Variants in PICALM observed in about 807,000 individuals in gnomAD.
PICALM encodes phosphatidylinositol binding clathrin assembly protein.
PICALM carries 40 observed loss-of-function variants against 80.5 expected under a neutral mutation model. The observed-to-expected ratio is 0.50, with a 90% CI of 0.39 to 0.65. PICALM has a LOEUF of 0.65. PICALM is among the 30% of genes least tolerant of loss of function. PICALM has a pLI of 0.00. For missense variants in PICALM, 676 were observed against 778.9 expected (o/e 0.87, Z 1.57); for synonymous variants, 288 against 260.3 (o/e 1.11, Z -1.02).
At chr11:86,024,406 G>T (rs2095616447) in intron 3 of PICALM, among the ~76,000 whole-genome samples, 1 of 144,116 alleles carries the variant, frequency 6.9e-6, no homozygotes. Flanking sequence ...CTCAAATACA[G>T]CCAGTCACAT....
intron 13 of PICALM, 118 bp downstream of exon 13, chr11:85,990,132 A>C: frequency 1.9e-6 from 1 of 513,086 alleles, no homozygotes; most frequent in South Asian, 5.4e-5. Flanking sequence ...TAGTTTTAGA[A>C]TTTGATATTA....
rs1261249720 is a variant in PICALM at position 86,068,766 on chromosome 11, G to A, written c.15C>T (p.Ser5=). The change falls in exon 1 of 20, where the codon AGC becomes AGT. Residue 5 remains serine (S), a synonymous_variant. Transcript: ENST00000393346. ...GGGCGGCAGTGATTCGGTCCGTCAG[G>A]CTCTGGCCGGACATCTCTGCAGCTC... MSGQ[S]LTDRITAAQH... is the part of the protein sequence containing the mutation. 2 of 1,609,620 alleles carry A rather than the reference G, an allele frequency of 1.2e-6. No homozygotes were observed. The highest frequency in any genetic ancestry group is 1.7e-6 in the Non-Finnish European group (2 of 1,179,272).
chr11:86,052,595 A>G (rs1333090159), intron 1 of PICALM, among the ~76,000 whole-genome samples: 1 of 152,328 alleles, frequency 6.6e-6, no homozygotes, highest in South Asian at 2.1e-4. Flanking sequence ...TAAAGTTAAT[A>G]CAAAAACTTG....
chr11:86,008,951 C>CAAAAAAAAAAAAAAAAAAAAAAAAA (rs1565392146), intron 7 of PICALM, among the ~76,000 whole-genome samples: 1 of 133,320 alleles, frequency 7.5e-6, no homozygotes, highest in African/African-American at 2.9e-5. Flanking sequence ...AAAAAAAAAG[C>CAAAAAAAAAAAAAAAAAAAAAAAAA]CAAAAAAAAA....
chr11:86,066,986 A>C (rs1335924310), intron 1 of PICALM, among the ~76,000 whole-genome samples: 3 of 152,250 alleles, frequency 2.0e-5, no homozygotes, highest in African/African-American at 7.2e-5. Context: ...CTCTAAGACA[A>C]GCAAGGACTG....
intron 19 of PICALM, among the ~76,000 whole-genome samples, chr11:85,959,984 A>C (rs527974807): frequency 6.6e-6 from 1 of 152,340 alleles, no homozygotes; most frequent in Non-Finnish European, 1.5e-5. Context: ...TCTCTCCATA[A>C]GCACAAATAC....
chr11:86,041,071 A>C (rs1487165188), intron 1 of PICALM, among the ~76,000 whole-genome samples: 1 of 152,202 alleles, frequency 6.6e-6, no homozygotes, highest in Non-Finnish European at 1.5e-5. Flanking sequence ...ATCATACAAT[A>C]GTTACAGCAC....
intron 1 of PICALM, among the ~76,000 whole-genome samples, chr11:86,056,541 G>A (rs544060970): frequency 6.6e-6 from 1 of 152,162 alleles, no homozygotes; most frequent in South Asian, 2.1e-4. Context: ...CAAGAAAGTA[G>A]AGGAGAAACA....
intron 1 of PICALM, among the ~76,000 whole-genome samples, chr11:86,035,759 A>G (rs1197763232): frequency 7.0e-6 from 1 of 141,870 alleles, no homozygotes; most frequent in African/African-American, 2.7e-5. Flanking sequence ...CCTGGCCAAC[A>G]TGGTGAAACT....
chr11:86,048,830 TCC>T (rs2096124449), intron 1 of PICALM, among the ~76,000 whole-genome samples: 1 of 81,900 alleles, frequency 1.2e-5, no homozygotes, highest in African/African-American at 5.8e-5. Flanking sequence ...AGAGTGAAAC[TCC>T]GTCTCAAAAA....
rs2096136475 is a variant in PICALM, at chr11:86,049,349, A to G, written c.131-17738T>C. On this transcript the variant is annotated intron_variant, in intron 1 of 19. Coordinates refer to ENST00000393346, the MANE Select transcript of PICALM (RefSeq NM_007166.4). ...GTTCCATACCAAAAGATCAAATGCA[A>G]CTATCCAGTTAACTTATTTTATCTT... Among the ~76,000 whole-genome samples the G allele has an allele frequency of 2.0e-5, 3 of 152,306 alleles. No homozygotes were observed. The South Asian group carries it at 6.2e-4, about 32-fold the overall frequency.
intron 8 of PICALM, chr11:86,003,768 T>G (rs1056859077): frequency 4.9e-5 from 9 of 182,610 alleles, no homozygotes; most frequent in Admixed American, 1.8e-4. Flanking sequence ...GACATACTAC[T>G]GAGCATGCAG....
At chr11:86,025,194 G>A (rs563516076) in intron 3 of PICALM, among the ~76,000 whole-genome samples, 77 of 152,280 alleles carry the variant, frequency 5.1e-4, no homozygotes, top group African/African-American at 1.8e-3. Context: ...GAGGTCAAGA[G>A]ATGCAGACCA....
intron 14 of PICALM, among the ~76,000 whole-genome samples, chr11:85,982,422 A>ATTTTTTTTTT (rs1446437172): frequency 1.0e-4 from 3 of 29,768 alleles, no homozygotes; most frequent in African/African-American, 8.1e-4. Context: ...GATTTTATAG[A>ATTTTTTTTTT]CTTTTTTTTT....
chr11:86,012,201 CT>C, intron 6 of PICALM, 79 bp downstream of exon 6: 1 of 705,748 alleles, frequency 1.4e-6, no homozygotes, highest in Non-Finnish European at 2.3e-6. Context: ...TTTTAGCCAG[CT>C]TTAAGTAACA....
chr11:86,060,470 A>G (rs995538480), intron 1 of PICALM, among the ~76,000 whole-genome samples: 2 of 152,222 alleles, frequency 1.3e-5, no homozygotes, highest in Non-Finnish European at 2.9e-5. Flanking sequence ...CATTCAACCT[A>G]TGGCAATATC....
chr11:85,982,027 T>C lies in PICALM; in HGVS notation c.1517-24A>G, dbSNP rs200744084. On this transcript the variant is annotated intron_variant, in intron 14 of 19. Coordinates refer to ENST00000393346, the MANE Select transcript of PICALM (RefSeq NM_007166.4). ...GCCTTAAAGTTACAAACAGACGAAA[T>C]AGAATTTGTAAGGAACTTTATGACG... The C allele has an allele frequency of 1.9e-4, 309 of 1,609,086 alleles. 1 individual carries two copies. In the South Asian group the frequency reaches 2.5e-3, roughly 13 times the overall value.
chr11:85,977,229 T>C (rs190867316), intron 17 of PICALM, among the ~76,000 whole-genome samples: 80 of 152,360 alleles, frequency 5.3e-4, no homozygotes, highest in South Asian at 8.3e-4. Flanking sequence ...TGACTATTTC[T>C]ATGAGCCATA....
intron 1 of PICALM, among the ~76,000 whole-genome samples, chr11:86,044,732 G>C (rs2096039364): frequency 6.6e-6 from 1 of 152,234 alleles, no homozygotes; most frequent in Admixed American, 6.5e-5. Flanking sequence ...ATTACTGCCT[G>C]AGCTCTGCCT....
Sources: allele counts gnomAD v4.1 joint callset (sites outside exome capture counted in the v4.1 genomes callset), GRCh38; gene constraint gnomAD v4.1.1; transcripts MANE v1.5; gene names NCBI Gene and HGNC (gene_info 2026-07-23, HGNC 2026-07-21).